Variants in GABRQ observed in about 807,000 individuals in gnomAD.
GABRQ encodes the protein gamma-aminobutyric acid type A receptor subunit theta.
A neutral mutation model predicts 30.5 loss-of-function variants in GABRQ; 19 were observed. The observed-to-expected ratio is 0.62, with a 90% confidence interval of 0.43 to 0.91. GABRQ has a LOEUF of 0.91. GABRQ is among the 40% of genes least tolerant of loss of function. The pLI, the probability that GABRQ is intolerant of heterozygous loss-of-function variation, is 0.00. For missense variants in GABRQ, 520 were observed against 521.4 expected, an observed-to-expected ratio of 1.00 and a Z score of 0.03; for synonymous variants, 187 against 210.2, an observed-to-expected ratio of 0.89 and a Z score of 0.95.
At position 152,650,433 on chromosome X, in the gene GABRQ, T is replaced by A; in HGVS notation, c.754T>A (p.Tyr252Asn). ...SKEVYFYTGSYIRLILKFQVQ... is the reference protein window; with the variant it reads ...SKEVYFYTGSNIRLILKFQVQ... ...CCAGTGTGTCTCCTTGCCAGGTTCC[T>A]ACATACGCCTGATACTGAAGTTCCA... is the stretch of plus-strand genomic sequence containing the variant. The change falls in exon 7 of 9, where the codon TAC (tyrosine) becomes AAC (asparagine). Residue 252 changes from tyrosine (Y) to asparagine (N), a missense_variant. Coordinates refer to ENST00000598523, the MANE Select transcript of GABRQ (RefSeq NM_018558.4). The A allele has an allele frequency of 8.3e-7, 1 of 1,205,453 alleles. No individual in the cohort carries two copies. Among genetic ancestry groups the A allele is most frequent in the South Asian group, 1.8e-5 (1 of 55,385 alleles).
chrX:152,653,800 T>C lies in GABRQ; in HGVS notation c.*519T>C, dbSNP rs2124919390. 1 of 112,422 alleles carries C rather than the reference T, an allele frequency of 8.9e-6. No individual in the cohort carries two copies. The highest frequency in any genetic ancestry group is 3.8e-4 in the South Asian group (1 of 2,641). 9.3% of individuals were successfully genotyped at this position (112,422 alleles called of 1,213,427 possible). ...AGAAGAAAGTCAAGCTGGGTTGGGCTGGGGTTCATAGCTAAAGGGCTAGCC... is the reference window on the plus strand; with the variant it reads ...AGAAGAAAGTCAAGCTGGGTTGGGCCGGGGTTCATAGCTAAAGGGCTAGCC... On this transcript the variant is annotated 3_prime_UTR_variant, in exon 9 of 9. Transcript: ENST00000598523.
Position 152,653,084 on chromosome X carries a change from C to T in GABRQ, c.1702C>T (p.His568Tyr). 2.5e-6 allele frequency: 3 copies of T among 1,207,178 alleles called. No individual in the cohort carries two copies. The highest frequency in any genetic ancestry group is 3.4e-6 in the Non-Finnish European group (3 of 891,037). Residue 568 changes from histidine to tyrosine, a missense_variant, in exon 9 of 9, where the codon CAT becomes TAT. Transcript: ENST00000598523. ...CCTTAATGATGATGAGCTCATGGCCCATGGCCAAGAGAAGGACAGTAGCTC... is the reference window on the plus strand; with the variant it reads ...CCTTAATGATGATGAGCTCATGGCCTATGGCCAAGAGAAGGACAGTAGCTC... Reference protein sequence around the residue: ...WGLNDDELMAHGQEKDSSSES... With the variant: ...WGLNDDELMAYGQEKDSSSES...
At chrX:152,643,789 A>T (rs1930813977) in intron 2 of GABRQ, among the ~76,000 whole-genome samples, 1 of 111,538 alleles carries the variant, frequency 9.0e-6, no homozygotes, top group Non-Finnish European at 1.9e-5. Context: ...TTTCATTCTC[A>T]CACATAGACA....
chrX:152,649,679 T>A, intron 5 of GABRQ, 63 bp from the exon 6 acceptor site: 1 of 952,193 alleles, frequency 1.1e-6, no homozygotes, highest in Non-Finnish European at 1.5e-6. Flanking sequence ...TTGTAGCATG[T>A]CTTTTTTGTG....
rs1335604877 is a variant in GABRQ at position 152,638,090 on chromosome X, G to A, written c.-113G>A. 1.5e-6 allele frequency: 1 copy of A among 662,188 alleles called. No individual in the cohort carries two copies. Among genetic ancestry groups the A allele is most frequent in the African/African-American group, 2.2e-5 (1 of 45,362 alleles). 54.6% of individuals were successfully genotyped at this position (662,188 alleles called of 1,213,427 possible). On this transcript the variant is annotated 5_prime_UTR_variant, in exon 1 of 9. Transcript: ENST00000598523. ...CCTTAGAGGCGACTCTTTGGGGAAGGGCCAGCAATCCCGCCTTCCCCGGCC... is the reference window on the plus strand; with the variant it reads ...CCTTAGAGGCGACTCTTTGGGGAAGAGCCAGCAATCCCGCCTTCCCCGGCC...
Position 152,649,262 on chromosome X carries a change from C to A in GABRQ, c.539C>A (p.Thr180Lys). The change falls in exon 5 of 9, where the codon ACA (threonine) becomes AAA (lysine). Residue 180 changes from threonine to lysine, a missense_variant. By Grantham distance (78) the Thr-to-Lys change is moderately conservative. Transcript: ENST00000598523. ...GTTTTCCTTTGCAGACTCACCACTA[C>A]AGCAGCTTGTTCCCTGGATCTGCAT... ...TVRYGIRLTT[T>K]AACSLDLHKF... The A allele has an allele frequency of 1.7e-6, 2 of 1,187,644 alleles. No individual in the cohort carries two copies. The highest frequency in any genetic ancestry group is 1.1e-6 in the Non-Finnish European group (1 of 873,449).
In GABRQ at chrX:152,640,439, G is replaced by A. The variant is rs782548142; in HGVS notation, c.211G>A (p.Asp71Asn). The change falls in exon 2 of 9, where the codon GAT becomes AAT. Residue 71 changes from aspartate to asparagine, a missense_variant. Coordinates refer to ENST00000598523, the MANE Select transcript of GABRQ (RefSeq NM_018558.4). The stretch of plus-strand genomic sequence containing the variant: ...TTTGGACAGGGTGCTGTCAAGATAC[G>A]ATGTCCGCCTGAGACCGAATTTTGG... ...KILDRVLSRY[D>N]VRLRPNFGGA... The A allele has an allele frequency of 4.2e-6, 5 of 1,192,252 alleles. No individual in the cohort carries two copies. The highest frequency in any genetic ancestry group is 5.9e-5 in the East Asian group (2 of 33,785).
chrX:152,647,166 C>T lies in GABRQ; in HGVS notation c.525C>T (p.Ile175=). The T allele has an allele frequency of 1.7e-6, 2 of 1,175,522 alleles. No homozygotes were observed. The highest frequency in any genetic ancestry group is 2.3e-6 in the Non-Finnish European group (2 of 862,507). Residue 175 remains isoleucine, a splice_region_variant and synonymous_variant, in exon 4 of 9, where the codon ATC becomes ATT. Transcript: ENST00000598523. ...LHPDGTVRYG[I]RLTTTAACSL... Reference sequence around the variant, plus strand: ...CAGATGGAACGGTGCGGTACGGCATCCGGTGAGTCCCCTAGGGGTCTGGGG... The same window carrying T: ...CAGATGGAACGGTGCGGTACGGCATTCGGTGAGTCCCCTAGGGGTCTGGGG...
intron 2 of GABRQ, among the ~76,000 whole-genome samples, chrX:152,643,923 A>G (rs1930818518): frequency 8.9e-6 from 1 of 111,974 alleles, no homozygotes; most frequent in African/African-American, 3.3e-5. Flanking sequence ...AAACTCAAAC[A>G]TGCTCACACA....
chrX:152,655,921 TTGTAAA>T lies in GABRQ; in HGVS notation c.*2642_*2647del, dbSNP rs1931140595. ...CACAGAGGAAGGGCAGCGAGGCCAG[TTGTAAA>T]TATCTCTATAGATCCATATAGCTAG... On this transcript the variant is annotated 3_prime_UTR_variant, in exon 9 of 9. Transcript: ENST00000598523. 1 of 112,275 alleles carries T rather than the reference TTGTAAA, an allele frequency of 8.9e-6. No individual in the cohort carries two copies. 9.3% of individuals were successfully genotyped at this position (112,275 alleles called of 1,213,427 possible).
At chrX:152,642,953 G>A (rs1461567025) in intron 2 of GABRQ, among the ~76,000 whole-genome samples, 6 of 112,752 alleles carry the variant, frequency 5.3e-5, no homozygotes, top group Non-Finnish European at 1.1e-4. Flanking sequence ...TTGGTGAGGG[G>A]AATGTGAACT....
At chrX:152,649,199 T>C in intron 4 of GABRQ, 52 bp from the exon 5 acceptor site, 1 of 812,508 alleles carries the variant, frequency 1.2e-6, no homozygotes, top group Non-Finnish European at 1.9e-6. Context: ...CAGCAATGGT[T>C]GTTTGCCTAG....
At position 152,656,130 on chromosome X, in the gene GABRQ, C is replaced by G. The variant is rs1353667155; in HGVS notation, c.*2849C>G. ...TTTGCTATGGATTTGGTCATTTTAG[C>G]CTGCACGTTGCCAGATCTCCCCTTG... On this transcript the variant is annotated 3_prime_UTR_variant, in exon 9 of 9. Transcript: ENST00000598523. The G allele has an allele frequency of 9.0e-6, 1 of 110,779 alleles. No individual in the cohort carries two copies. Among genetic ancestry groups the G allele is most frequent in the Non-Finnish European group, 1.9e-5 (1 of 52,949 alleles). 9.1% of individuals were successfully genotyped at this position (110,779 alleles called of 1,213,427 possible). A position where few individuals can be genotyped will look rare whatever the true frequency, so the allele number is the denominator to read the frequency against.
In GABRQ at chrX:152,649,756, G is replaced by A. The variant is rs1602823763; in HGVS notation, c.625G>A (p.Glu209Lys). 1 of 1,185,807 alleles carries A rather than the reference G, an allele frequency of 8.4e-7. No individual in the cohort carries two copies. The highest frequency in any genetic ancestry group is 3.0e-5 in the East Asian group (1 of 33,649). Residue 209 changes from glutamate to lysine, a missense_variant, in exon 6 of 9, where the codon GAA becomes AAA. Physicochemically the swap from Glu to Lys is moderately conservative, Grantham distance 56 (BLOSUM62 1). Transcript: ENST00000598523. ...LVVESYGYTV[E>K]DIILFWDDNG... ...CTCCTTCCCAGATGGTTACACGGTT[G>A]AAGACATCATATTATTCTGGGATGA...
chrX:152,648,966 C>T (rs1556819668), intron 4 of GABRQ, among the ~76,000 whole-genome samples: 1 of 112,494 alleles, frequency 8.9e-6, no homozygotes, highest in Non-Finnish European at 1.9e-5. Flanking sequence ...TTGCTAGCCT[C>T]ACTCCTTCTG....
At chrX:152,650,346 C>G (rs923169366) in intron 6 of GABRQ, 82 bp from the exon 7 acceptor site, 17 of 852,399 alleles carry the variant, frequency 2.0e-5, no homozygotes, top group Non-Finnish European at 2.7e-5. Flanking sequence ...ATTGCTCTCC[C>G]CTCCTTCTCC....
At chrX:152,645,356 T>C (rs781976474) in intron 2 of GABRQ, among the ~76,000 whole-genome samples, 171 bp from the exon 3 acceptor site, 8 of 112,152 alleles carry the variant, frequency 7.1e-5, no homozygotes, top group African/African-American at 2.6e-4. Context: ...GCTATCACTA[T>C]CCCCATTTTA....
intron 2 of GABRQ, among the ~76,000 whole-genome samples, chrX:152,644,291 C>T (rs1265325310): frequency 4.5e-5 from 5 of 112,322 alleles, no homozygotes; most frequent in African/African-American, 1.6e-4. Flanking sequence ...AACATAACCA[C>T]ACTTTCACTT....
Position 152,640,454 on chromosome X carries a change from C to G in GABRQ, c.226C>G (p.Pro76Ala), listed in dbSNP as rs782617034. The change falls in exon 2 of 9, where the codon CCG becomes GCG. Residue 76 changes from proline (P) to alanine (A), a missense_variant. Physicochemically the swap from Pro to Ala is conservative, Grantham distance 27 (BLOSUM62 -1). Coordinates refer to ENST00000598523, the MANE Select transcript of GABRQ (RefSeq NM_018558.4). ...GTCAAGATACGATGTCCGCCTGAGA[C>G]CGAATTTTGGAGGTAAGGCATATCC... is the stretch of plus-strand genomic sequence containing the variant. ...VLSRYDVRLR[P>A]NFGGAPVPVR... is the part of the protein sequence containing the mutation. The G allele has an allele frequency of 1.7e-6, 2 of 1,172,829 alleles. No homozygotes were observed.
Sources: allele counts gnomAD v4.1 joint callset (sites outside exome capture counted in the v4.1 genomes callset), GRCh38; gene constraint gnomAD v4.1.1; transcripts MANE v1.5; gene names NCBI Gene and HGNC (gene_info 2026-07-23, HGNC 2026-07-21).